Variants in AGBL1 observed in about 807,000 individuals in gnomAD.
AGBL1 encodes the protein cytosolic carboxypeptidase 4.
AGBL1 carries 130 observed loss-of-function variants against 118.9 expected under a neutral mutation model. The ratio of observed to expected loss-of-function variants is 1.09; its 90% CI spans 0.95 to 1.26. The LOEUF is 1.26. Among genes scored for constraint, AGBL1 ranks in the 50% most tolerant of loss-of-function variants. The pLI, the probability that AGBL1 is intolerant of heterozygous loss-of-function variation, is 0.00. For missense variants in AGBL1, 1,584 were observed against 1,298.1 expected (o/e 1.22, Z -3.38); for synonymous variants, 555 against 478.9 (o/e 1.16, Z -2.08).
At chr15:86,887,925 G>T (rs932765754) in intron 22 of AGBL1, among the ~76,000 whole-genome samples, 1 of 152,102 alleles carries the variant, frequency 6.6e-6, no homozygotes, top group African/African-American at 2.4e-5. Flanking sequence ...ATAAGCCCCA[G>T]GAAGCTTTAA....
In AGBL1 at chr15:86,700,831, G is replaced by A. The variant is rs146132242; in HGVS notation, c.3158+26395G>A. Among the ~76,000 whole-genome samples the A allele has an allele frequency of 4.3e-4, 65 of 152,120 alleles. No individual in the cohort carries two copies. In the South Asian group the frequency reaches 5.0e-3, roughly 12 times the overall value. ...CCTGATACCATGAAAGTTGAGATTC[G>A]AGTGTAGTTTAAATCGATTCATCCA... On this transcript the variant is annotated intron_variant, in intron 22 of 22. Transcript: ENST00000614907.
chr15:86,919,600 A>ACG (rs35214833), downstream of AGBL1, among the ~76,000 whole-genome samples: 63,894 of 148,272 alleles, frequency 0.43, 17,404 homozygotes, highest in Non-Finnish European at 0.58. Context: ...ACACACACAC[A>ACG]CACACACACA....
At chr15:86,928,822 G>A (rs2080574795) in intron 23 of AGBL1, among the ~76,000 whole-genome samples, 1 of 152,100 alleles carries the variant, frequency 6.6e-6, no homozygotes, top group Non-Finnish European at 1.5e-5. Context: ...ATGTGAGGTT[G>A]CTGAATGTTA....
intron 22 of AGBL1, among the ~76,000 whole-genome samples, chr15:86,887,307 G>C (rs766337369): frequency 4.6e-5 from 7 of 151,668 alleles, no homozygotes; most frequent in Non-Finnish European, 8.8e-5. Context: ...ATCTATCTTG[G>C]CTGTTACTTT....
chr15:86,538,464 T>C (rs1387266951), intron 19 of AGBL1, among the ~76,000 whole-genome samples: 2 of 152,178 alleles, frequency 1.3e-5, no homozygotes, highest in African/African-American at 4.8e-5. Context: ...TCTTGGAAGG[T>C]AGCTGAACGT....
chr15:86,164,033 C>T (rs2077303552), intron 5 of AGBL1, among the ~76,000 whole-genome samples: 1 of 152,202 alleles, frequency 6.6e-6, no homozygotes, highest in East Asian at 1.9e-4. Flanking sequence ...AAGCAGCAGC[C>T]ACCAGCTTGA....
chr15:86,185,808 T>C (rs1352150854), intron 5 of AGBL1, among the ~76,000 whole-genome samples: 3 of 151,870 alleles, frequency 2.0e-5, no homozygotes, highest in Non-Finnish European at 4.4e-5. Context: ...CTAATGTAAA[T>C]GACGAGTTAA....
chr15:86,547,432 G>C (rs1449613399), intron 20 of AGBL1, among the ~76,000 whole-genome samples: 1 of 152,100 alleles, frequency 6.6e-6, no homozygotes, highest in Admixed American at 6.6e-5. Flanking sequence ...ATAAGACACA[G>C]AACCTTTAAA....
At chr15:86,468,203 C>G (rs1954446792) in intron 18 of AGBL1, among the ~76,000 whole-genome samples, 1 of 152,124 alleles carries the variant, frequency 6.6e-6, no homozygotes. Flanking sequence ...CTCCTCTCCG[C>G]AAGAAGAAAG....
chr15:86,466,271 G>A (rs533240287), intron 18 of AGBL1, among the ~76,000 whole-genome samples: 8 of 151,942 alleles, frequency 5.3e-5, no homozygotes, highest in Non-Finnish European at 1.0e-4. Context: ...TCTTTCTTCT[G>A]CTTCATCGAT....
At chr15:86,672,413 T>G (rs1213632506) in intron 21 of AGBL1, among the ~76,000 whole-genome samples, 1 of 152,224 alleles carries the variant, frequency 6.6e-6, no homozygotes, top group Admixed American at 6.5e-5. Context: ...ACTGTGAGGT[T>G]TATTTTCCTG....
Position 86,522,997 on chromosome 15 carries a change from G to T in AGBL1, c.2685+58G>T, listed in dbSNP as rs201115195. 5.1e-6 allele frequency: 8 copies of T among 1,567,954 alleles called. No individual in the cohort carries two copies. In the Admixed American group the frequency reaches 6.7e-5, roughly 13 times the overall value. ...GCTGCTTCCTTCTACCTTCCAGGAA[G>T]CAGAGTATATTCTGCCAAGGCAAGA... On this transcript the variant is annotated intron_variant, in intron 19 of 22. Transcript: ENST00000614907.
At chr15:86,679,252 A>G (rs1186154509) in intron 22 of AGBL1, among the ~76,000 whole-genome samples, 1 of 152,080 alleles carries the variant, frequency 6.6e-6, no homozygotes. Context: ...TCATCAGTAA[A>G]GTATTGTAGG....
intron 21 of AGBL1, among the ~76,000 whole-genome samples, chr15:86,642,040 A>C: frequency 6.6e-6 from 1 of 152,326 alleles, no homozygotes; most frequent in African/African-American, 2.4e-5. Flanking sequence ...AGAGTAGACT[A>C]GTCATACTTA....
At chr15:86,596,277 C>T (rs1404937123) in intron 21 of AGBL1, among the ~76,000 whole-genome samples, 1 of 152,104 alleles carries the variant, frequency 6.6e-6, no homozygotes, top group Non-Finnish European at 1.5e-5. Flanking sequence ...TCCTCTTCGC[C>T]ACCCCCTCCC....
intron 23 of AGBL1, among the ~76,000 whole-genome samples, chr15:86,965,655 G>A (rs371166105): frequency 1.3e-4 from 20 of 151,810 alleles, no homozygotes; most frequent in South Asian, 4.2e-4. Flanking sequence ...CATATACACC[G>A]TGGAATACTA....
At chr15:86,893,949 C>T (rs1167661959) in intron 22 of AGBL1, among the ~76,000 whole-genome samples, 1 of 152,148 alleles carries the variant, frequency 6.6e-6, no homozygotes, top group Non-Finnish European at 1.5e-5. Context: ...AGGCAAATTC[C>T]TGTTTCTCAC....
At chr15:86,799,916 C>A (rs183222925) in intron 22 of AGBL1, among the ~76,000 whole-genome samples, 1 of 152,012 alleles carries the variant, frequency 6.6e-6, no homozygotes, top group African/African-American at 2.4e-5. Flanking sequence ...AAGGCTCCAG[C>A]GAAGAACTGA....
At chr15:86,494,763 A>C (rs1287988491) in intron 18 of AGBL1, among the ~76,000 whole-genome samples, 1 of 152,104 alleles carries the variant, frequency 6.6e-6, no homozygotes, top group Non-Finnish European at 1.5e-5. Context: ...ACCTTTAAAA[A>C]ATAAGTCTAG....
Sources: allele counts gnomAD v4.1 joint callset (sites outside exome capture counted in the v4.1 genomes callset), GRCh38; gene constraint gnomAD v4.1.1; transcripts MANE v1.5; gene names NCBI Gene and HGNC (gene_info 2026-07-23, HGNC 2026-07-21).